AFG1L: variants seen among roughly 807,000 people sequenced by gnomAD.
The protein encoded by AFG1L is AFG1 like ATPase.
In AFG1L, 53 loss-of-function variants were observed where a neutral mutation model predicts 62.2. The ratio of observed to expected loss-of-function variants is 0.85; its 90% CI spans 0.68 to 1.07. The LOEUF is 1.07. Among genes scored for constraint, AFG1L ranks in the 50% least tolerant of loss-of-function variants. The pLI, the probability that AFG1L is intolerant of heterozygous loss-of-function variation, is 0.00. For missense variants in AFG1L, 555 were observed against 590.5 expected, an observed-to-expected ratio of 0.94 and a Z score of 0.62; for synonymous variants, 228 against 210.3, an observed-to-expected ratio of 1.08 and a Z score of -0.73.
In AFG1L at chr6:108,356,800, C is replaced by T. The variant is rs755850207; in HGVS notation, c.628C>T (p.Leu210=). The change falls in exon 5 of 13, where the codon CTA becomes TTA. Residue 210 remains leucine (L), a synonymous_variant. Transcript: ENST00000368977. ...AEEISEEACL[L]CFDEFQVTDI... is the part of the protein sequence containing the mutation. ...AGAAATCAGCGAAGAAGCATGTCTC[C>T]TATGTTTTGATGAATTTCAGGTAAA... The T allele has an allele frequency of 1.9e-6, 3 of 1,612,468 alleles. No homozygotes were observed. Among genetic ancestry groups the T allele is most frequent in the Non-Finnish European group, 2.5e-6 (3 of 1,179,314 alleles).
At chr6:108,496,888 G>GT (rs552296693) in intron 10 of AFG1L, among the ~76,000 whole-genome samples, 5 of 151,826 alleles carry the variant, frequency 3.3e-5, no homozygotes, top group African/African-American at 7.2e-5. Context: ...TTTTCACTTA[G>GT]TTTTTTTTAT....
chr6:108,353,091 C>T (rs918797309), intron 3 of AFG1L, among the ~76,000 whole-genome samples: 3 of 150,984 alleles, frequency 2.0e-5, no homozygotes, highest in Admixed American at 6.6e-5. Context: ...TCCCTGCTTT[C>T]GGTTGTTTTG....
intron 11 of AFG1L, among the ~76,000 whole-genome samples, chr6:108,518,417 G>A (rs1385567586): frequency 2.0e-5 from 3 of 146,962 alleles, no homozygotes; most frequent in South Asian, 2.2e-4. Context: ...ACCAAACACC[G>A]CATGTTCTCA....
At chr6:108,332,470 A>C (rs949485500) in intron 2 of AFG1L, among the ~76,000 whole-genome samples, 5 of 152,224 alleles carry the variant, frequency 3.3e-5, no homozygotes, top group Non-Finnish European at 7.3e-5. Context: ...CTAAATTAGC[A>C]TGGGATCATT....
chr6:108,361,848 C>T (rs1779544300), intron 5 of AFG1L, among the ~76,000 whole-genome samples: 1 of 152,110 alleles, frequency 6.6e-6, no homozygotes, highest in South Asian at 2.1e-4. Context: ...CCTTACCCAC[C>T]TTTTTTCCCA....
In AFG1L at chr6:108,516,282, A is replaced by C. The variant is rs12212713; in HGVS notation, c.1204-3415A>C. Among the ~76,000 whole-genome samples the C allele has an allele frequency of 8.3e-3, 1,266 of 152,342 alleles. 10 individuals are homozygous for C. Among genetic ancestry groups the C allele is most frequent in the Non-Finnish European group, 0.014 (926 of 68,028 alleles). On this transcript the variant is annotated intron_variant, in intron 11 of 12. Transcript: ENST00000368977. ...ATACTGGCAAACCGAATCCAGCAGC[A>C]CATCAAAAAGCTTATCCACCATGAT...
At chr6:108,295,826 G>C (rs1776748173) in intron 1 of AFG1L, 1 of 152,164 alleles carries the variant, frequency 6.6e-6, no homozygotes, top group Non-Finnish European at 1.5e-5. Context: ...AACCAAGAGT[G>C]CCAGTTTTAC....
intron 7 of AFG1L, among the ~76,000 whole-genome samples, chr6:108,443,404 G>T (rs910492523): frequency 5.3e-5 from 8 of 152,160 alleles, no homozygotes; most frequent in Non-Finnish European, 7.3e-5. Context: ...GGATATTATT[G>T]CATAGACCAT....
intron 3 of AFG1L, among the ~76,000 whole-genome samples, chr6:108,348,134 G>T (rs1160578976): frequency 5.3e-5 from 8 of 152,080 alleles, no homozygotes; most frequent in African/African-American, 1.9e-4. Flanking sequence ...AGGCTGGTGC[G>T]GTGGCGCGAT....
chr6:108,299,219 C>G (rs1776886816), intron 1 of AFG1L, among the ~76,000 whole-genome samples: 1 of 151,560 alleles, frequency 6.6e-6, no homozygotes, highest in African/African-American at 2.4e-5. Context: ...CAAGATCACA[C>G]CACTGCGCTC....
At chr6:108,507,103 A>G (rs114944853) in intron 10 of AFG1L, among the ~76,000 whole-genome samples, 3,215 of 152,300 alleles carry the variant, frequency 0.021, 129 homozygotes, top group African/African-American at 0.073. Flanking sequence ...TAGTATTGCT[A>G]TCTCTCGTGG....
intron 7 of AFG1L, among the ~76,000 whole-genome samples, chr6:108,410,210 G>A (rs547509355): frequency 2.4e-4 from 37 of 152,256 alleles, no homozygotes; most frequent in Admixed American, 8.5e-4. Context: ...GGAAGGCTAA[G>A]GCAGGAGAAT....
At chr6:108,395,442 C>T (rs924563501) in intron 6 of AFG1L, among the ~76,000 whole-genome samples, 3 of 141,246 alleles carry the variant, frequency 2.1e-5, no homozygotes, top group Non-Finnish European at 3.0e-5. Flanking sequence ...TCACTCTGCA[C>T]CCAGGCTGGA....
At chr6:108,377,154 C>T (rs193073005) in intron 6 of AFG1L, among the ~76,000 whole-genome samples, 1 of 151,928 alleles carries the variant, frequency 6.6e-6, no homozygotes, top group East Asian at 1.9e-4. Flanking sequence ...ATGTGAGATG[C>T]GTCTCTTGAA....
chr6:108,515,313 T>G (rs1179606351), intron 11 of AFG1L, among the ~76,000 whole-genome samples: 4 of 152,078 alleles, frequency 2.6e-5, no homozygotes, highest in Non-Finnish European at 5.9e-5. Context: ...CAGACCACAG[T>G]GCAATCAAAC....
At chr6:108,338,292 A>G (rs552175308) in intron 2 of AFG1L, among the ~76,000 whole-genome samples, 1 of 152,194 alleles carries the variant, frequency 6.6e-6, no homozygotes, top group African/African-American at 2.4e-5. Flanking sequence ...CATCTAATTC[A>G]TAAGTCATTT....
At chr6:108,357,923 G>A (rs527366331) in intron 5 of AFG1L, among the ~76,000 whole-genome samples, 1 of 152,298 alleles carries the variant, frequency 6.6e-6, no homozygotes, top group East Asian at 1.9e-4. Flanking sequence ...ATTTTCACCA[G>A]CAATGCTGTT....
intron 3 of AFG1L, among the ~76,000 whole-genome samples, chr6:108,349,993 G>T (rs1171906649): frequency 2.0e-5 from 3 of 151,874 alleles, no homozygotes; most frequent in Non-Finnish European, 4.4e-5. Flanking sequence ...GGGGGCTGAG[G>T]GGGGCGGGTC....
chr6:108,394,750 T>A (rs1300689396), intron 6 of AFG1L, among the ~76,000 whole-genome samples: 1 of 152,230 alleles, frequency 6.6e-6, no homozygotes, highest in African/African-American at 2.4e-5. Context: ...GATTTCTTCA[T>A]GTGTTTGGTT....
Sources: allele counts gnomAD v4.1 joint callset (sites outside exome capture counted in the v4.1 genomes callset), GRCh38; gene constraint gnomAD v4.1.1; transcripts MANE v1.5; gene names NCBI Gene and HGNC (gene_info 2026-07-23, HGNC 2026-07-21).